Variants in DDC observed in about 807,000 individuals in gnomAD.
The protein encoded by DDC is aromatic-L-amino-acid decarboxylase.
DDC carries 43 observed loss-of-function variants against 60.0 expected under a neutral mutation model. The ratio of observed to expected loss-of-function variants is 0.72; its 90% CI spans 0.56 to 0.92. The LOEUF is 0.92. DDC is among the 40% of genes least tolerant of loss of function. The pLI is 0.00. For synonymous variants in DDC, 232 were observed against 234.6 expected, an observed-to-expected ratio of 0.99 and a Z score of 0.10; for missense variants, 573 against 620.2, an observed-to-expected ratio of 0.92 and a Z score of 0.81.
At position 50,470,069 on chromosome 7, in the gene DDC, T is replaced by C. The variant is rs1450469177; in HGVS notation, c.1140+4A>G. The C allele has an allele frequency of 6.3e-7, 1 of 1,581,098 alleles. No individual in the cohort carries two copies. ...ACCGTGATAAATAATAAAAACAAAG[T>C]CACCTTGCGGATATAAGCCTGCAGT... is the stretch of plus-strand genomic sequence containing the variant. On this transcript the variant is annotated splice_donor_region_variant and intron_variant, in intron 12 of 14. Transcript: ENST00000444124.
chr7:50,460,738 C>T (rs574353378), intron 14 of DDC, among the ~76,000 whole-genome samples: 34 of 151,782 alleles, frequency 2.2e-4, no homozygotes, highest in African/African-American at 8.3e-4. Context: ...TCCTGTTGAT[C>T]AGTGACCCTA....
intron 1 of DDC, among the ~76,000 whole-genome samples, chr7:50,550,322 C>T (rs920722560): frequency 1.5e-4 from 23 of 152,156 alleles, no homozygotes; most frequent in African/African-American, 5.1e-4. Flanking sequence ...AAGGTATATA[C>T]TTTTTATATA....
At chr7:50,459,472 G>C (rs1259734551) in intron 14 of DDC, among the ~76,000 whole-genome samples, 1 of 151,556 alleles carries the variant, frequency 6.6e-6, no homozygotes, top group African/African-American at 2.4e-5. Flanking sequence ...GGAAAGTGAG[G>C]AGCGTCTCTG....
intron 11 of DDC, among the ~76,000 whole-genome samples, chr7:50,474,541 T>A (rs531855101): frequency 1.8e-4 from 27 of 152,224 alleles, no homozygotes; most frequent in African/African-American, 4.8e-4. Flanking sequence ...CCAGTACAGA[T>A]CTGTGATTCT....
chr7:50,541,351 G>T (rs984535536), intron 2 of DDC: 4 of 152,292 alleles, frequency 2.6e-5, no homozygotes, highest in Middle Eastern at 3.1e-3. Flanking sequence ...TCCAGGTCTG[G>T]CTCAGAATCC....
At chr7:50,535,919 G>T (rs1364501311) in intron 4 of DDC, among the ~76,000 whole-genome samples, 3 of 152,140 alleles carry the variant, frequency 2.0e-5, no homozygotes, top group African/African-American at 7.2e-5. Context: ...CCCACTTTCC[G>T]ATCTTATATG....
chr7:50,562,724 T>C (rs2045368499), intron 1 of DDC, among the ~76,000 whole-genome samples: 2 of 152,212 alleles, frequency 1.3e-5, no homozygotes, highest in South Asian at 4.1e-4. Flanking sequence ...CCTGGATGTG[T>C]GCCCTTCACC....
intron 13 of DDC, among the ~76,000 whole-genome samples, chr7:50,465,591 C>G (rs561346188): frequency 2.6e-5 from 4 of 152,186 alleles, no homozygotes; most frequent in Middle Eastern, 3.2e-3. Context: ...AGGCTGTTCT[C>G]GAACTCCTGA....
At chr7:50,540,144 A>G in intron 2 of DDC, 116 bp from the exon 3 acceptor site, 1 of 745,012 alleles carries the variant, frequency 1.3e-6, no homozygotes, top group Non-Finnish European at 2.4e-6. Flanking sequence ...ACCCAGAGTT[A>G]GGTGAGTGCA....
At chr7:50,514,081 C>T (rs1362556572) in intron 6 of DDC, among the ~76,000 whole-genome samples, 1 of 152,154 alleles carries the variant, frequency 6.6e-6, no homozygotes, top group African/African-American at 2.4e-5. Flanking sequence ...GCACCCCCTC[C>T]CCAACTCACC....
chr7:50,497,058 C>T (rs1340240727), intron 8 of DDC, among the ~76,000 whole-genome samples: 1 of 152,190 alleles, frequency 6.6e-6, no homozygotes, highest in Non-Finnish European at 1.5e-5. Context: ...GAGTTCCCTC[C>T]TATGGGGCTG....
At chr7:50,543,611 C>T in intron 2 of DDC, 2 of 479,656 alleles carry the variant, frequency 4.2e-6, no homozygotes, top group Non-Finnish European at 7.7e-6. Flanking sequence ...TGGGCAGGGA[C>T]TGAGTCTCAG....
chr7:50,542,051 CTGCACAGGCTGTGA>C (rs1308190968), intron 2 of DDC, among the ~76,000 whole-genome samples: 1 of 152,098 alleles, frequency 6.6e-6, no homozygotes, highest in African/African-American at 2.4e-5. Context: ...CCGAGAGGAG[CTGCACAGGCTGTGA>C]TGCCTTCAGC....
At chr7:50,498,208 A>G (rs1323805527) in intron 8 of DDC, among the ~76,000 whole-genome samples, 2 of 152,248 alleles carry the variant, frequency 1.3e-5, no homozygotes, top group Admixed American at 6.5e-5. Context: ...AACTCGCCCA[A>G]GGGTACACAG....
intron 7 of DDC, among the ~76,000 whole-genome samples, chr7:50,501,934 C>T (rs2043268093): frequency 6.6e-6 from 1 of 152,034 alleles, no homozygotes; most frequent in Non-Finnish European, 1.5e-5. Context: ...ATTAGCCAGG[C>T]ATGATGGCAT....
chr7:50,529,252 G>A lies in DDC; in HGVS notation c.526C>T (p.Gln176Ter), dbSNP rs773004040. The A allele has an allele frequency of 6.2e-7, 1 of 1,613,974 alleles. No homozygotes were observed. The highest frequency in any genetic ancestry group is 8.5e-7 in the Non-Finnish European group (1 of 1,180,050). ...RLQAASPELT[Q>*]AAIMEKLVAY... ...ACCAGCTTCTCCATGATAGCGGCCT[G>A]TGTGAGCTCTGGGGACGCTGCCTGC... Residue 176 changes from glutamine (Q) to a stop codon, truncating the protein, a stop_gained, in exon 5 of 15, where the codon CAG becomes TAG. Transcript: ENST00000444124. LOFTEE classifies it high-confidence loss of function.
chr7:50,520,338 T>C (rs145393586), intron 6 of DDC, among the ~76,000 whole-genome samples: 1,909 of 152,276 alleles, frequency 0.013, 37 homozygotes, highest in African/African-American at 0.044. Flanking sequence ...GCTCTCAGAC[T>C]GCATTGGAAT....
Position 50,500,180 on chromosome 7 carries a change from G to A in DDC, c.782-938C>T, listed in dbSNP as rs150009593. Among the ~76,000 whole-genome samples, 3 of 152,106 alleles carry A rather than the reference G, an allele frequency of 2.0e-5. No homozygotes were observed. In the East Asian group the frequency reaches 5.8e-4, roughly 29 times the overall value. On this transcript the variant is annotated intron_variant, in intron 7 of 14. Coordinates refer to ENST00000444124, the MANE Select transcript of DDC (RefSeq NM_001082971.2). ...GTGGATACCAGTGTCAGGGTACCGT[G>A]GGGTAGGTGTCAGGGTCAGCATATG...
At chr7:50,484,239 G>A (rs1662170129) in intron 9 of DDC, among the ~76,000 whole-genome samples, 1 of 152,134 alleles carries the variant, frequency 6.6e-6, no homozygotes, top group Non-Finnish European at 1.5e-5. Flanking sequence ...CCAACATCTG[G>A]CTTTGTCGAT....
Sources: gnomAD v4.1 joint callset for allele counts (sites outside exome capture counted in the v4.1 genomes callset) on GRCh38, gnomAD v4.1.1 for gene constraint, MANE v1.5 for transcripts, NCBI Gene and HGNC (gene_info 2026-07-23, HGNC 2026-07-21) for gene names.